Variants in SPATA6 observed in about 807,000 individuals in gnomAD.
SPATA6 encodes spermatogenesis-associated protein 6.
A neutral mutation model predicts 65.3 loss-of-function variants in SPATA6; 56 were observed. The ratio of observed to expected loss-of-function variants is 0.86; its 90% CI spans 0.69 to 1.07. The LOEUF (loss-of-function observed/expected upper bound fraction) is 1.07. SPATA6 is among the 50% of genes least tolerant of loss of function. SPATA6 has a pLI of 0.00. For synonymous variants in SPATA6, 199 were observed against 213.2 expected, an observed-to-expected ratio of 0.93 and a Z score of 0.58; for missense variants, 590 against 594.8, an observed-to-expected ratio of 0.99 and a Z score of 0.08.
chr1:48,416,991 A>C (rs1652843111), intron 3 of SPATA6, among the ~76,000 whole-genome samples: 1 of 152,226 alleles, frequency 6.6e-6, no homozygotes, highest in Non-Finnish European at 1.5e-5. Context: ...AGCAAACATC[A>C]TACCAAGTGG....
intron 9 of SPATA6, among the ~76,000 whole-genome samples, chr1:48,370,531 T>C (rs977820809): frequency 3.9e-5 from 6 of 152,376 alleles, no homozygotes; most frequent in African/African-American, 1.2e-4. Flanking sequence ...AAGTAAGATG[T>C]ACTTTTTTTA....
the SPATA6 span, chr1:48,262,142 T>C: frequency 1.3e-5 from 2 of 152,126 alleles, no homozygotes; most frequent in Non-Finnish European, 2.9e-5. Context: ...TCTTGAAATG[T>C]TCAAGACATA....
intron 8 of SPATA6, among the ~76,000 whole-genome samples, chr1:48,389,249 T>C (rs1051786029): frequency 3.3e-5 from 5 of 151,836 alleles, no homozygotes; most frequent in African/African-American, 1.2e-4. Flanking sequence ...CAGGCAAAAA[T>C]AAGAAATAAA....
At chr1:48,307,995 T>C (rs77154369) in intron 11 of SPATA6, among the ~76,000 whole-genome samples, 407 of 152,126 alleles carry the variant, frequency 2.7e-3, no homozygotes, top group African/African-American at 9.3e-3. Flanking sequence ...AGTGCATCTC[T>C]TGTAGACAGA....
At chr1:48,400,275 T>A (rs916207348) in intron 6 of SPATA6, among the ~76,000 whole-genome samples, 12 of 151,932 alleles carry the variant, frequency 7.9e-5, no homozygotes, top group African/African-American at 2.9e-4. Context: ...TCTGGTCCCA[T>A]ATTTTTATAA....
Position 48,447,127 on chromosome 1 carries a change from T to C in SPATA6, c.238+4425A>G, listed in dbSNP as rs574801821. Among the ~76,000 whole-genome samples the C allele has an allele frequency of 3.9e-5, 6 of 152,324 alleles. No individual in the cohort carries two copies. The East Asian group carries it at 7.7e-4, about 20-fold the overall frequency. ...CTTACTTTATTATAAGAATATAGTA[T>C]ATAATATAACAAAAAATATGTTAAT... On this transcript the variant is annotated intron_variant, in intron 3 of 12. Coordinates refer to ENST00000371847, the MANE Select transcript of SPATA6 (RefSeq NM_019073.4).
intron 3 of SPATA6, chr1:48,437,298 C>G (rs564122503): frequency 4.0e-6 from 6 of 1,497,780 alleles, no homozygotes; most frequent in Non-Finnish European, 5.4e-6. Context: ...TTTCTAGGTA[C>G]AAATACGAGA....
In SPATA6 at chr1:48,386,697, A is replaced by T. The variant is rs139820771; in HGVS notation, c.869-1348T>A. ...CCATGGATCCCTACGATACCAGGCC[A>T]CTGAAGAGCTCCTGAACCCTCGTGA... On this transcript the variant is annotated intron_variant, in intron 8 of 12. Coordinates refer to ENST00000371847, the MANE Select transcript of SPATA6 (RefSeq NM_019073.4). Among the ~76,000 whole-genome samples, 121 of 152,356 alleles carry T rather than the reference A, an allele frequency of 7.9e-4. 1 individual carries two copies. The highest frequency in any genetic ancestry group is 2.9e-3 in the African/African-American group (119 of 41,592).
chr1:48,325,363 G>A, intron 11 of SPATA6: 1 of 1,372,210 alleles, frequency 7.3e-7, no homozygotes, highest in Non-Finnish European at 1.0e-6. Flanking sequence ...GCAAAGTTCT[G>A]CATGCGCCTT....
chr1:48,448,186 A>G (rs545355639), intron 3 of SPATA6: 1 of 151,312 alleles, frequency 6.6e-6, no homozygotes, highest in East Asian at 1.9e-4. Context: ...GCTTGAACCT[A>G]GGATGTAGAG....
intron 9 of SPATA6, among the ~76,000 whole-genome samples, chr1:48,380,289 T>C (rs1381151211): frequency 6.6e-6 from 1 of 152,234 alleles, no homozygotes; most frequent in African/African-American, 2.4e-5. Flanking sequence ...TAATCCTTTT[T>C]TATTTTCATG....
At chr1:48,275,271 C>T in the SPATA6 span, among the ~76,000 whole-genome samples, 110 of 152,326 alleles carry the variant, frequency 7.2e-4, no homozygotes, top group East Asian at 0.02. Context: ...AATATACAAT[C>T]ATGTCATCTG....
chr1:48,304,141 A>C (rs1645003617), intron 12 of SPATA6, among the ~76,000 whole-genome samples: 1 of 152,196 alleles, frequency 6.6e-6, no homozygotes, highest in Non-Finnish European at 1.5e-5. Context: ...TGAGGATAAA[A>C]CTAAAATAAT....
chr1:48,314,870 G>A (rs12117971), intron 11 of SPATA6, among the ~76,000 whole-genome samples: 11,821 of 152,140 alleles, frequency 0.078, 622 homozygotes, highest in East Asian at 0.23. Flanking sequence ...TATCACCACC[G>A]ATCCGACAGA....
chr1:48,315,044 T>C (rs1030195294), intron 11 of SPATA6, among the ~76,000 whole-genome samples: 1 of 152,082 alleles, frequency 6.6e-6, no homozygotes, highest in African/African-American at 2.4e-5. Context: ...ATTGAGGCAA[T>C]AATTAATAGC....
chr1:48,323,857 A>T (rs1040944513), intron 11 of SPATA6, among the ~76,000 whole-genome samples: 11 of 152,216 alleles, frequency 7.2e-5, no homozygotes, highest in Non-Finnish European at 2.9e-5. Context: ...AAACTGTAAT[A>T]AAAAGTCTCC....
At chr1:48,317,242 G>A (rs183937254) in intron 11 of SPATA6, among the ~76,000 whole-genome samples, 47 of 152,158 alleles carry the variant, frequency 3.1e-4, no homozygotes, top group African/African-American at 9.9e-4. Flanking sequence ...TGTTTATCGC[G>A]GCATTATTCA....
rs1292556656 is a variant in SPATA6, at chr1:48,399,571, T to C, written c.560A>G (p.Gln187Arg). The change falls in exon 7 of 13, where the codon CAA (glutamine) becomes CGA (arginine). Residue 187 changes from glutamine (Q) to arginine (R), a missense_variant. By Grantham distance (43) the Gln-to-Arg change is conservative. Transcript: ENST00000371847. Reference sequence around the variant, plus strand: ...CTCAGGTGACTTGGATTTTTTCTTTTGTGATCTTGATGTTCTGTTTTGCAG... The same window carrying C: ...CTCAGGTGACTTGGATTTTTTCTTTCGTGATCTTGATGTTCTGTTTTGCAG... ...GRLQNRTSRSQKKKSKSPERS... is the reference protein window; with the variant it reads ...GRLQNRTSRSRKKKSKSPERS... 1 of 1,612,860 alleles carries C rather than the reference T, an allele frequency of 6.2e-7. No homozygotes were observed. Among genetic ancestry groups the C allele is most frequent in the Non-Finnish European group, 8.5e-7 (1 of 1,179,322 alleles).
chr1:48,351,884 G>A (rs1401122807), intron 11 of SPATA6, among the ~76,000 whole-genome samples: 1 of 152,044 alleles, frequency 6.6e-6, no homozygotes, highest in Non-Finnish European at 1.5e-5. Context: ...ATTCACCAGA[G>A]AAACCATCTG....
Sources: allele counts gnomAD v4.1 joint callset (sites outside exome capture counted in the v4.1 genomes callset), GRCh38; gene constraint gnomAD v4.1.1; transcripts MANE v1.5; gene names NCBI Gene and HGNC (gene_info 2026-07-23, HGNC 2026-07-21).